The following SRP68 variants were observed in gnomAD, a reference collection of about 807,000 sequenced individuals.
SRP68 encodes the protein signal recognition particle subunit SRP68.
SRP68 carries 15 observed loss-of-function variants against 82.2 expected under a neutral mutation model. The ratio of observed to expected loss-of-function variants is 0.18; its 90% CI spans 0.12 to 0.28. The LOEUF is 0.28. Among genes scored for constraint, SRP68 ranks in the 10% least tolerant of loss-of-function variants. The pLI is 1.00. For synonymous variants in SRP68, 261 were observed against 292.6 expected (o/e 0.89, Z 1.10); for missense variants, 595 against 780.5 (o/e 0.76, Z 2.83).
At chr17:76,054,728 C>G (rs374984702) in intron 8 of SRP68, among the ~76,000 whole-genome samples, 1 of 151,610 alleles carries the variant, frequency 6.6e-6, no homozygotes, top group Non-Finnish European at 1.5e-5. Flanking sequence ...GAGGCTGAGG[C>G]AGGAGAATCA....
chr17:76,060,465 T>G, intron 6 of SRP68, 75 bp from the exon 7 acceptor site: 2 of 1,030,558 alleles, frequency 1.9e-6, no homozygotes, highest in Middle Eastern at 2.0e-4. Flanking sequence ...AACTCAGACT[T>G]AAAGAGCTCT....
intron 7 of SRP68, among the ~76,000 whole-genome samples, chr17:76,058,544 C>T (rs2066728469): frequency 6.6e-6 from 1 of 152,176 alleles, no homozygotes; most frequent in Non-Finnish European, 1.5e-5. Flanking sequence ...CAGGTGTGAA[C>T]CACCCTGCTG....
rs574470025 is a variant in SRP68 at position 76,062,690 on chromosome 17, C to T, written c.562-1116G>A. 1.2e-3 allele frequency among the ~76,000 whole-genome samples: 52 copies of T among 44,560 alleles called. 1 individual carries two copies. The highest frequency in any genetic ancestry group is 1.4e-3 in the Non-Finnish European group (39 of 28,254). The allele number at this position is 44,560 out of a possible 152,430, so 29.2% of individuals were successfully genotyped here. A position where few individuals can be genotyped will look rare whatever the true frequency, so the allele number is the denominator to read the frequency against. ...TATACATTATATAATATATAATATA[C>T]ATTATATATTGTATATTATACAATA... On this transcript the variant is annotated intron_variant, in intron 4 of 15. Transcript: ENST00000307877.
At chr17:76,051,468 A>G (rs977899058) in intron 8 of SRP68, among the ~76,000 whole-genome samples, 2 of 152,216 alleles carry the variant, frequency 1.3e-5, no homozygotes, top group Non-Finnish European at 2.9e-5. Context: ...TTAATATTCA[A>G]CTGACCTCTA....
chr17:76,041,952 T>C (rs1598256683), intron 13 of SRP68, among the ~76,000 whole-genome samples: 1 of 152,104 alleles, frequency 6.6e-6, no homozygotes, highest in African/African-American at 2.4e-5. Context: ...GGCGTGATCT[T>C]GGCTCACTGC....
rs1567935230 is a variant in SRP68, at chr17:76,062,738, T to TATATATAAA, written c.562-1165_562-1164insTTTATATAT. Among the ~76,000 whole-genome samples the TATATATAAA allele has an allele frequency of 2.3e-4, 5 of 21,716 alleles. 2 individuals are homozygous for TATATATAAA. The highest frequency in any genetic ancestry group is 2.4e-3 in the Admixed American group (2 of 824). 14.2% of individuals were successfully genotyped at this position (21,716 alleles called of 152,430 possible). On this transcript the variant is annotated intron_variant, in intron 4 of 15. Coordinates refer to ENST00000307877, the MANE Select transcript of SRP68 (RefSeq NM_014230.4). ...ATATATTATATTTATTTTATATATA[T>TATATATAAA]ATATATATATATATATATATATATA...
intron 2 of SRP68, among the ~76,000 whole-genome samples, chr17:76,068,394 T>C (rs1470791001): frequency 6.7e-6 from 1 of 148,808 alleles, no homozygotes; most frequent in Non-Finnish European, 1.5e-5. Flanking sequence ...AGGTGGAGGT[T>C]GCAGTGAGCC....
At chr17:76,039,980 C>G in intron 15 of SRP68, 47 bp from the exon 16 acceptor site, 1 of 1,582,004 alleles carries the variant, frequency 6.3e-7, no homozygotes, top group Non-Finnish European at 8.6e-7. Flanking sequence ...TCACAGAACA[C>G]CCTTGGTGAA....
In SRP68 at chr17:76,040,897, G is replaced by T. The variant is rs745727982; in HGVS notation, c.1600+6C>A. The T allele has an allele frequency of 2.5e-6, 4 of 1,613,702 alleles. No homozygotes were observed. The South Asian group carries it at 3.3e-5, about 13-fold the overall frequency. ...TGGGGATACAAAGGCCAGGCAGGGG[G>T]CTCACCAAGGATGGCTGCGGCCTGC... On this transcript the variant is annotated splice_donor_region_variant and intron_variant, in intron 14 of 15. Transcript: ENST00000307877.
At chr17:76,053,380 C>T in intron 8 of SRP68, 1 of 802,846 alleles carries the variant, frequency 1.2e-6, no homozygotes, top group Non-Finnish European at 1.5e-6. Context: ...TGCCAACACC[C>T]TTCTCAGACA....
chr17:76,053,827 A>G (rs1355618981), intron 8 of SRP68, among the ~76,000 whole-genome samples: 4 of 152,312 alleles, frequency 2.6e-5, no homozygotes, highest in African/African-American at 9.6e-5. Context: ...CTTTTATTCT[A>G]TAAATCTATA....
intron 15 of SRP68, 95 bp from the exon 16 acceptor site, chr17:76,040,028 A>G (rs1259548385): frequency 5.7e-6 from 7 of 1,223,094 alleles, no homozygotes; most frequent in Non-Finnish European, 7.0e-6. Context: ...AGAGCTTTAC[A>G]GGGGCCATCT....
At position 76,045,495 on chromosome 17, in the gene SRP68, G is replaced by C; in HGVS notation, c.1300-109C>G. Reference sequence around the variant, plus strand: ...AGAGTGAGGAAAAAAAAAAGCCCGAGGTCAATACGATGGGGAAAAGCCTGT... The same window carrying C: ...AGAGTGAGGAAAAAAAAAAGCCCGACGTCAATACGATGGGGAAAAGCCTGT... On this transcript the variant is annotated intron_variant, in intron 11 of 15. Coordinates refer to ENST00000307877, the MANE Select transcript of SRP68 (RefSeq NM_014230.4). The C allele has an allele frequency of 9.0e-6, 7 of 774,694 alleles. No homozygotes were observed. In the South Asian group the frequency reaches 1.2e-4, roughly 13 times the overall value. The allele number at this position is 774,694 out of a possible 1,614,324, so 48.0% of individuals were successfully genotyped here.
At position 76,039,800 on chromosome 17, in the gene SRP68, T is replaced by A; in HGVS notation, c.1790A>T (p.His597Leu). ...KPLFFDLALN[H>L]VAFPPLEDKL... Reference sequence around the variant, plus strand: ...GTCCTCAAGGGGTGGGAAAGCCACATGGTTGAGGGCCAGGTCAAAGAACAA... The same window carrying A: ...GTCCTCAAGGGGTGGGAAAGCCACAAGGTTGAGGGCCAGGTCAAAGAACAA... The change falls in exon 16 of 16, where the codon CAT (histidine) becomes CTT (leucine). Residue 597 changes from histidine (H) to leucine (L), a missense_variant. Transcript: ENST00000307877. 1.2e-6 allele frequency: 2 copies of A among 1,614,180 alleles called. No homozygotes were observed. Among genetic ancestry groups the A allele is most frequent in the South Asian group, 1.1e-5 (1 of 91,086 alleles).
At chr17:76,066,670 T>C (rs965672665) in intron 3 of SRP68, among the ~76,000 whole-genome samples, 7 of 150,870 alleles carry the variant, frequency 4.6e-5, no homozygotes, top group African/African-American at 1.7e-4. Flanking sequence ...AGAAGAAGCT[T>C]CCCTGTACAG....
chr17:76,049,101 A>T (rs538618242), intron 9 of SRP68: 1 of 152,360 alleles, frequency 6.6e-6, no homozygotes, highest in South Asian at 2.1e-4. Flanking sequence ...AGTTTTACAA[A>T]ATGCAGAGAG....
intron 13 of SRP68, among the ~76,000 whole-genome samples, chr17:76,041,796 CAG>C (rs2066592346): frequency 6.6e-6 from 1 of 152,122 alleles, no homozygotes; most frequent in Non-Finnish European, 1.5e-5. Flanking sequence ...TCTCTGAAGG[CAG>C]AGAGCTTCTT....
At chr17:76,044,726 C>T (rs769203141) in intron 12 of SRP68, 3 of 152,544 alleles carry the variant, frequency 2.0e-5, no homozygotes, top group South Asian at 2.1e-4. Context: ...GAGGAAAGTA[C>T]AGGAAGACAA....
Position 76,067,051 on chromosome 17 carries a change from A to C in SRP68, c.365+166T>G, listed in dbSNP as rs185160979. 4.9e-4 allele frequency among the ~76,000 whole-genome samples: 75 copies of C among 152,200 alleles called. No individual in the cohort carries two copies. The East Asian group carries it at 0.012, about 25-fold the overall frequency. ...CCCCAACACAGTTCTTGAACAACCT[A>C]ATGTATCTCTTTGAGCCTCAGTTTC... On this transcript the variant is annotated intron_variant, in intron 3 of 15. Transcript: ENST00000307877.
Sources: allele counts gnomAD v4.1 joint callset (sites outside exome capture counted in the v4.1 genomes callset), GRCh38; gene constraint gnomAD v4.1.1; transcripts MANE v1.5; gene names NCBI Gene and HGNC (gene_info 2026-07-23, HGNC 2026-07-21).